Variants in ZC2HC1A observed in about 807,000 individuals in gnomAD.
The protein encoded by ZC2HC1A is zinc finger C2HC domain-containing protein 1A.
A neutral mutation model predicts 40.7 loss-of-function variants in ZC2HC1A; 28 were observed. That is an observed-to-expected ratio of 0.69 (90% CI 0.51 to 0.94). ZC2HC1A has a LOEUF of 0.94. ZC2HC1A is among the 40% of genes least tolerant of loss of function. The pLI is 0.00. For synonymous variants in ZC2HC1A, 129 were observed against 129.2 expected (o/e 1.00, Z 0.01); for missense variants, 389 against 386.3 (o/e 1.01, Z -0.06).
At chr8:78,687,564 T>C (rs977220109) in intron 4 of ZC2HC1A, among the ~76,000 whole-genome samples, 5 of 142,948 alleles carry the variant, frequency 3.5e-5, no homozygotes, top group African/African-American at 1.3e-4. Flanking sequence ...ATTTACATAA[T>C]AAATTATATA....
At chr8:78,683,321 C>A (rs1463005968) in intron 3 of ZC2HC1A, among the ~76,000 whole-genome samples, 1 of 152,256 alleles carries the variant, frequency 6.6e-6, no homozygotes, top group East Asian at 1.9e-4. Flanking sequence ...AAACAAACTT[C>A]TTCCTGGACA....
At chr8:78,695,912 T>A (rs1810385846) in intron 5 of ZC2HC1A, among the ~76,000 whole-genome samples, 1 of 152,234 alleles carries the variant, frequency 6.6e-6, no homozygotes, top group African/African-American at 2.4e-5. Context: ...TAGAAGGATA[T>A]AATGTTTGAC....
Position 78,697,467 on chromosome 8 carries a change from C to T in ZC2HC1A, c.565C>T (p.Arg189Ter), listed in dbSNP as rs1810462139. Reference protein sequence around the residue: ...SPGTASSGSSRLPQPSGAGKT... With the variant: ...SPGTASSGSS ...TGGAACTGCATCATCAGGATCTTCA[C>T]GATTACCGCAGCCAAGTGGCGCTGG... is the stretch of plus-strand genomic sequence containing the variant. Residue 189 changes from arginine (R) to a stop codon, truncating the protein, a stop_gained, in exon 6 of 9, where the codon CGA (arginine) becomes TGA (stop). Transcript: ENST00000263849. LOFTEE classifies it high-confidence loss of function. 1.9e-6 allele frequency: 3 copies of T among 1,610,110 alleles called. No individual in the cohort carries two copies. The highest frequency in any genetic ancestry group is 1.7e-6 in the Non-Finnish European group (2 of 1,179,114).
Position 78,717,325 on chromosome 8 carries a change from T to A in ZC2HC1A, c.813-3T>A. On this transcript the variant is annotated splice_region_variant and splice_polypyrimidine_tract_variant and intron_variant, in intron 8 of 8. Transcript: ENST00000263849. ...TCTTTTCATTGTTTCTTTACTTTTT[T>A]AGGCCAGATGGGGACTGTGCATCTT... is the stretch of plus-strand genomic sequence containing the variant. The A allele has an allele frequency of 6.2e-7, 1 of 1,600,988 alleles. No individual in the cohort carries two copies. The highest frequency in any genetic ancestry group is 8.5e-7 in the Non-Finnish European group (1 of 1,176,142).
At chr8:78,666,274 C>T in intron 1 of ZC2HC1A, 110 bp downstream of exon 1, 1 of 1,482,928 alleles carries the variant, frequency 6.7e-7, no homozygotes, top group South Asian at 1.2e-5. Context: ...CGGCGGACCT[C>T]GCCGCGTCCC....
intron 4 of ZC2HC1A, among the ~76,000 whole-genome samples, chr8:78,688,238 G>A (rs1055156999): frequency 6.6e-6 from 1 of 151,932 alleles, no homozygotes; most frequent in African/African-American, 2.4e-5. Flanking sequence ...TAGATATTGT[G>A]TCTTAACTCT....
intron 5 of ZC2HC1A, among the ~76,000 whole-genome samples, chr8:78,692,780 G>A (rs532046685): frequency 6.6e-6 from 1 of 152,034 alleles, no homozygotes; most frequent in South Asian, 2.1e-4. Flanking sequence ...TGTACACAAC[G>A]TGCAGGTTTG....
In ZC2HC1A at chr8:78,718,805, A is replaced by G. The variant is rs555218438; in HGVS notation, c.*1312A>G. 1.5e-4 allele frequency: 23 copies of G among 151,908 alleles called. No individual in the cohort carries two copies. The highest frequency in any genetic ancestry group is 5.5e-4 in the African/African-American group (23 of 41,532). The allele number at this position is 151,908 out of a possible 1,614,324, so 9.4% of individuals were successfully genotyped here. ...GTAATTCTGTAGTAATTTCTATTCA[A>G]TCAAACCTAAGAGAGCTTTGATCTT... On this transcript the variant is annotated 3_prime_UTR_variant, in exon 9 of 9. Transcript: ENST00000263849.
rs376863949 is a variant in ZC2HC1A, at chr8:78,686,576, TTCC to T, written c.333_335del (p.Pro113del). 113 of 1,535,176 alleles carry T rather than the reference TTCC, an allele frequency of 7.4e-5. No individual in the cohort carries two copies. The highest frequency in any genetic ancestry group is 2.9e-4 in the South Asian group (22 of 75,198). ...CAGGCCCTCAAAGAGGGTGGCAAAC[TTCC>T]TCCTCCTCCTCCACCTTCTTATGAT... On this transcript the variant is annotated inframe_deletion, in exon 4 of 9. Transcript: ENST00000263849.
chr8:78,686,541 AG>A lies in ZC2HC1A; in HGVS notation c.287del (p.Gly96AlafsTer43). 6.4e-7 allele frequency: 1 copy of A among 1,551,816 alleles called. No homozygotes were observed. The highest frequency in any genetic ancestry group is 2.4e-5 in the East Asian group (1 of 41,972). ...TCATTGCTACCATAAGAGCAGCTAAAGGCCTTGATCAGGCCCTCAAAGAGGG... is the reference window on the plus strand; with the variant it reads ...TCATTGCTACCATAAGAGCAGCTAAAGCCTTGATCAGGCCCTCAAAGAGGG... The part of the protein sequence containing the change: ...EFIATIRAAK[G>X]LDQALKEGGK... On this transcript the variant is annotated frameshift_variant, in exon 4 of 9. Transcript: ENST00000263849. LOFTEE classifies it high-confidence loss of function.
intron 3 of ZC2HC1A, among the ~76,000 whole-genome samples, chr8:78,685,254 C>T (rs200592989): frequency 5.7e-5 from 1 of 17,522 alleles, no homozygotes; most frequent in Non-Finnish European, 2.0e-4. Context: ...ACTGCATAGC[C>T]ATGTTAAAAA....
Position 78,716,674 on chromosome 8 carries a change from A to G in ZC2HC1A, c.813-654A>G, listed in dbSNP as rs148625622. Among the ~76,000 whole-genome samples the G allele has an allele frequency of 6.6e-3, 1,003 of 152,188 alleles. 14 individuals carry two copies. The highest frequency in any genetic ancestry group is 0.022 in the African/African-American group (910 of 41,518). ...CATCATAAATGTTCATTCTGCTCCCAGTGTAGTAAATTCCTAGCACAAAGA... is the reference window on the plus strand; with the variant it reads ...CATCATAAATGTTCATTCTGCTCCCGGTGTAGTAAATTCCTAGCACAAAGA... On this transcript the variant is annotated intron_variant, in intron 8 of 8. Coordinates refer to ENST00000263849, the MANE Select transcript of ZC2HC1A (RefSeq NM_016010.3).
In ZC2HC1A at chr8:78,719,269, C is replaced by T. The variant is rs1401192802; in HGVS notation, c.*1776C>T. 6.6e-6 allele frequency: 1 copy of T among 151,320 alleles called. No individual in the cohort carries two copies. The highest frequency in any genetic ancestry group is 1.5e-5 in the Non-Finnish European group (1 of 67,626). The allele number at this position is 151,320 out of a possible 1,614,324, so 9.4% of individuals were successfully genotyped here. Reference sequence around the variant, plus strand: ...GACCACATAATTCTTTTTGTCTGCTCAAGGAAAGGATAGATAAATAATTGG... The same window carrying T: ...GACCACATAATTCTTTTTGTCTGCTTAAGGAAAGGATAGATAAATAATTGG... On this transcript the variant is annotated 3_prime_UTR_variant, in exon 9 of 9. Transcript: ENST00000263849.
intron 3 of ZC2HC1A, among the ~76,000 whole-genome samples, chr8:78,682,768 A>G (rs1257490037): frequency 6.6e-6 from 1 of 152,192 alleles, no homozygotes; most frequent in Admixed American, 6.5e-5. Context: ...CCTAAAGTCC[A>G]CAGTTCAATC....
At chr8:78,688,283 G>GTTC (rs1307233750) in intron 4 of ZC2HC1A, among the ~76,000 whole-genome samples, 1 of 152,054 alleles carries the variant, frequency 6.6e-6, no homozygotes, top group Non-Finnish European at 1.5e-5. Context: ...ATATAAGAGA[G>GTTC]TGAGAGGGTA....
At chr8:78,699,308 A>T (rs1810526141) in intron 7 of ZC2HC1A, among the ~76,000 whole-genome samples, 1 of 152,164 alleles carries the variant, frequency 6.6e-6, no homozygotes, top group African/African-American at 2.4e-5. Context: ...AGATATTAAT[A>T]TAGAGCCATA....
intron 3 of ZC2HC1A, among the ~76,000 whole-genome samples, chr8:78,681,718 A>T (rs992550000): frequency 1.3e-5 from 2 of 152,066 alleles, no homozygotes; most frequent in African/African-American, 4.8e-5. Context: ...AATAAATGAC[A>T]TTTTGATTTT....
At chr8:78,706,631 G>A (rs1810782108) in intron 7 of ZC2HC1A, among the ~76,000 whole-genome samples, 1 of 152,154 alleles carries the variant, frequency 6.6e-6, no homozygotes, top group Non-Finnish European at 1.5e-5. Context: ...TGTGGGTCAA[G>A]TTGTTTCCTT....
At chr8:78,669,322 A>C in intron 1 of ZC2HC1A, among the ~76,000 whole-genome samples, 1 of 143,002 alleles carries the variant, frequency 7.0e-6, no homozygotes, top group Non-Finnish European at 1.5e-5. Flanking sequence ...AAATGGAGCT[A>C]TTAAATATGT....
Sources: allele counts gnomAD v4.1 joint callset (sites outside exome capture counted in the v4.1 genomes callset), GRCh38; gene constraint gnomAD v4.1.1; transcripts MANE v1.5; gene names NCBI Gene and HGNC (gene_info 2026-07-23, HGNC 2026-07-21).